CDH12: variants seen among roughly 807,000 people sequenced by gnomAD.
CDH12 encodes the protein cadherin 12.
A neutral mutation model predicts 74.1 loss-of-function variants in CDH12; 41 were observed. The ratio of observed to expected loss-of-function variants is 0.55; its 90% CI spans 0.43 to 0.72. The LOEUF (loss-of-function observed/expected upper bound fraction) is 0.72, where lower values mean the gene tolerates loss of function less well. CDH12 is among the 30% of genes least tolerant of loss of function. The pLI is 0.00. For missense variants in CDH12, 945 were observed against 977.2 expected, an observed-to-expected ratio of 0.97 and a Z score of 0.44; for synonymous variants, 399 against 355.0, an observed-to-expected ratio of 1.12 and a Z score of -1.39.
chr5:22,350,251 T>C (rs1405033902), intron 3 of CDH12, among the ~76,000 whole-genome samples: 1 of 152,214 alleles, frequency 6.6e-6, no homozygotes, highest in African/African-American at 2.4e-5. Flanking sequence ...CTTAAACTTA[T>C]TATGCAGTGA....
chr5:22,397,060 C>T (rs2126435799), intron 3 of CDH12, among the ~76,000 whole-genome samples: 1 of 152,124 alleles, frequency 6.6e-6, no homozygotes, highest in Non-Finnish European at 1.5e-5. Flanking sequence ...TCCCTCTTTT[C>T]TTTAGGTGGG....
chr5:22,670,429 G>T (rs1303711186), intron 1 of CDH12, among the ~76,000 whole-genome samples: 1 of 152,080 alleles, frequency 6.6e-6, no homozygotes, highest in African/African-American at 2.4e-5. Flanking sequence ...ACAGAAAGCT[G>T]CCTCTACCAC....
At chr5:22,589,200 C>T (rs544946631) in intron 1 of CDH12, among the ~76,000 whole-genome samples, 1 of 152,150 alleles carries the variant, frequency 6.6e-6, no homozygotes, top group South Asian at 2.1e-4. Context: ...CTCTTGAATT[C>T]CTACAATGTG....
At chr5:22,652,859 C>T (rs1398908466) in intron 1 of CDH12, among the ~76,000 whole-genome samples, 3 of 152,048 alleles carry the variant, frequency 2.0e-5, no homozygotes, top group African/African-American at 7.2e-5. Context: ...TTTGAATCTC[C>T]ATAGAAGCCT....
intron 4 of CDH12, among the ~76,000 whole-genome samples, chr5:22,177,123 A>T (rs1749379550): frequency 6.6e-6 from 1 of 152,180 alleles, no homozygotes; most frequent in East Asian, 1.9e-4. Context: ...GGCATGAAAC[A>T]GGGATTTTGA....
intron 6 of CDH12, among the ~76,000 whole-genome samples, chr5:21,868,207 T>C (rs531591548): frequency 1.4e-5 from 2 of 145,702 alleles, no homozygotes; most frequent in East Asian, 3.9e-4. Context: ...CCGTCCACCA[T>C]GATTGTGAGG....
intron 6 of CDH12, among the ~76,000 whole-genome samples, chr5:21,913,808 C>A (rs886161401): frequency 2.0e-5 from 3 of 151,892 alleles, no homozygotes; most frequent in African/African-American, 7.3e-5. Context: ...CCCAAGTAGT[C>A]CCTGTAGTGG....
At chr5:21,989,931 C>A (rs1051296118) in intron 5 of CDH12, among the ~76,000 whole-genome samples, 1 of 152,132 alleles carries the variant, frequency 6.6e-6, no homozygotes, top group Non-Finnish European at 1.5e-5. Context: ...GTTCAATTCA[C>A]AATATTTGAT....
intron 3 of CDH12, among the ~76,000 whole-genome samples, chr5:22,234,251 G>A (rs561834548): frequency 6.6e-6 from 1 of 152,108 alleles, no homozygotes; most frequent in African/African-American, 2.4e-5. Flanking sequence ...GATATGGTTT[G>A]GCTGTGTCCC....
intron 2 of CDH12, among the ~76,000 whole-genome samples, chr5:22,498,145 T>C (rs768234313): frequency 6.6e-6 from 1 of 152,216 alleles, no homozygotes; most frequent in Non-Finnish European, 1.5e-5. Flanking sequence ...ATCAGGAAGA[T>C]ATTCTTGAAA....
intron 6 of CDH12, among the ~76,000 whole-genome samples, chr5:21,866,093 G>C (rs188242862): frequency 1.1e-3 from 164 of 152,294 alleles, no homozygotes; most frequent in Non-Finnish European, 2.0e-3. Flanking sequence ...TGTGAGACAT[G>C]CCTTTCACCT....
At chr5:22,735,935 A>G (rs1471909351) in intron 1 of CDH12, among the ~76,000 whole-genome samples, 1 of 151,872 alleles carries the variant, frequency 6.6e-6, no homozygotes, top group Non-Finnish European at 1.5e-5. Flanking sequence ...GAAGCACTAG[A>G]CCAGGATCAA....
At chr5:21,974,161 A>G (rs1355779099) in intron 6 of CDH12, among the ~76,000 whole-genome samples, 4 of 152,168 alleles carry the variant, frequency 2.6e-5, no homozygotes, top group Admixed American at 6.6e-5. Flanking sequence ...TGGTAGGAGC[A>G]GTAGAAACCC....
intron 1 of CDH12, among the ~76,000 whole-genome samples, chr5:22,574,677 C>T (rs937433243): frequency 5.9e-5 from 9 of 152,062 alleles, no homozygotes; most frequent in Admixed American, 6.5e-5. Context: ...TAGGTTCCTA[C>T]GCTTGCCTTC....
At chr5:21,954,084 T>C (rs1755988070) in intron 6 of CDH12, among the ~76,000 whole-genome samples, 1 of 152,050 alleles carries the variant, frequency 6.6e-6, no homozygotes, top group Non-Finnish European at 1.5e-5. Flanking sequence ...TAGCACATGA[T>C]TTAATCAGAA....
At chr5:22,304,122 T>A (rs1738006573) in intron 3 of CDH12, among the ~76,000 whole-genome samples, 1 of 152,152 alleles carries the variant, frequency 6.6e-6, no homozygotes, top group South Asian at 2.1e-4. Flanking sequence ...AGCTAATTTT[T>A]AAAATAATTT....
At chr5:22,289,837 C>A (rs966354941) in intron 3 of CDH12, among the ~76,000 whole-genome samples, 15 of 152,250 alleles carry the variant, frequency 9.9e-5, no homozygotes, top group African/African-American at 3.6e-4. Flanking sequence ...ATATTCTAGT[C>A]CAGTACCTGA....
chr5:22,449,307 G>A (rs780127422), intron 2 of CDH12, among the ~76,000 whole-genome samples: 7 of 151,910 alleles, frequency 4.6e-5, no homozygotes, highest in Non-Finnish European at 8.8e-5. Context: ...CAATGTGAGT[G>A]TCTCTTTACA....
In CDH12 at chr5:22,654,737, C is replaced by T. The variant is rs561719226; in HGVS notation, c.-522-149373G>A. Among the ~76,000 whole-genome samples, 64 of 151,682 alleles carry T rather than the reference C, an allele frequency of 4.2e-4. 1 individual carries two copies. Among genetic ancestry groups the T allele is most frequent in the African/African-American group, 7.3e-4 (30 of 41,338 alleles). ...TGCAACCCCTGCGTCCGGGTTCAAG[C>T]GGTTCTCTTGCCTCAGCCTCCCAAG... is the stretch of plus-strand genomic sequence containing the variant. On this transcript the variant is annotated intron_variant, in intron 1 of 14. Transcript: ENST00000382254.
Sources: gnomAD v4.1 joint callset for allele counts (sites outside exome capture counted in the v4.1 genomes callset) on GRCh38, gnomAD v4.1.1 for gene constraint, MANE v1.5 for transcripts, NCBI Gene and HGNC (gene_info 2026-07-23, HGNC 2026-07-21) for gene names.